Variants in CHD6 observed in about 807,000 individuals in gnomAD.
CHD6 encodes ATP-dependent chromatin remodeler CHD6.
A neutral mutation model predicts 276.9 loss-of-function variants in CHD6; 50 were observed. That is an observed-to-expected ratio of 0.18 (90% CI 0.14 to 0.23). CHD6 has a LOEUF of 0.23. CHD6 is among the 10% of genes least tolerant of loss of function. CHD6 has a pLI of 1.00. For synonymous variants in CHD6, 1,173 were observed against 1,229.3 expected (o/e 0.95, Z 0.96); for missense variants, 2,564 against 3,365.8 (o/e 0.76, Z 5.89).
At position 41,483,451 on chromosome 20, in the gene CHD6, G is replaced by A; in HGVS notation, c.2326C>T (p.Gln776Ter). 1 of 1,613,732 alleles carries A rather than the reference G, an allele frequency of 6.2e-7. No homozygotes were observed. Among genetic ancestry groups the A allele is most frequent in the Non-Finnish European group, 8.5e-7 (1 of 1,179,848 alleles). The change falls in exon 16 of 37, where the codon CAG becomes TAG. Residue 776 changes from glutamine to a stop codon, truncating the protein, a stop_gained. Transcript: ENST00000373233. LOFTEE classifies it high-confidence loss of function. ...TTTCCTGCTGCCTGAATCATGGCCT[G>A]CAGCTGAAAGTCAGGGGCATCAGGG... ...HSPDAPDFQL[Q>*]AMIQAAGKLV...
rs534962456 is a variant in CHD6 at position 41,582,306 on chromosome 20, G to A, written c.-23-30946C>T. ...ACTAAGGAAGAGTTTCGGACACGGT[G>A]AGTAGAAATAAAGGAGTAGGCAATT... On this transcript the variant is annotated intron_variant, in intron 1 of 36. Transcript: ENST00000373233. 4.9e-4 allele frequency among the ~76,000 whole-genome samples: 75 copies of A among 152,288 alleles called. 1 individual carries two copies. Among genetic ancestry groups the A allele is most frequent in the Non-Finnish European group, 9.3e-4 (63 of 68,022 alleles).
chr20:41,552,850 A>G (rs1455384857), intron 1 of CHD6, among the ~76,000 whole-genome samples: 1 of 152,202 alleles, frequency 6.6e-6, no homozygotes, highest in African/African-American at 2.4e-5. Flanking sequence ...TCGGGTGCTA[A>G]GGTGAAGGGG....
intron 6 of CHD6, among the ~76,000 whole-genome samples, chr20:41,498,965 G>A (rs1484150012): frequency 6.6e-6 from 1 of 152,008 alleles, no homozygotes; most frequent in Non-Finnish European, 1.5e-5. Context: ...ATGAGCCAAT[G>A]AACCTGGCCT....
chr20:41,569,483 A>G (rs2045393628), intron 1 of CHD6, among the ~76,000 whole-genome samples: 1 of 152,152 alleles, frequency 6.6e-6, no homozygotes, highest in African/African-American at 2.4e-5. Context: ...ATGGGGCACT[A>G]CTTTAGGGGG....
At chr20:41,540,835 A>G (rs1269438184) in intron 2 of CHD6, among the ~76,000 whole-genome samples, 2 of 152,198 alleles carry the variant, frequency 1.3e-5, no homozygotes, top group Non-Finnish European at 2.9e-5. Flanking sequence ...ATGTTTTTTT[A>G]AAGTTCAAAT....
intron 1 of CHD6, among the ~76,000 whole-genome samples, chr20:41,616,254 A>G (rs1334597793): frequency 6.6e-6 from 1 of 152,198 alleles, no homozygotes; most frequent in African/African-American, 2.4e-5. Flanking sequence ...AAAATTATAA[A>G]GATATAGAAT....
At chr20:41,547,949 TA>T (rs2146134078) in intron 2 of CHD6, 2 of 274,298 alleles carry the variant, frequency 7.3e-6, no homozygotes, top group African/African-American at 4.4e-5. Context: ...AAAATTTCCA[TA>T]AAGGTTCATT....
At chr20:41,595,526 A>G (rs1200611768) in intron 1 of CHD6, among the ~76,000 whole-genome samples, 1 of 152,136 alleles carries the variant, frequency 6.6e-6, no homozygotes, top group African/African-American at 2.4e-5. Flanking sequence ...CTCCAGAGAA[A>G]GGGTGCAAGA....
chr20:41,484,806 C>T (rs1344482197), intron 14 of CHD6, among the ~76,000 whole-genome samples, 199 bp from the exon 15 acceptor site: 3 of 152,060 alleles, frequency 2.0e-5, no homozygotes, highest in Non-Finnish European at 2.9e-5. Flanking sequence ...GATTTTAATT[C>T]ACAAGCAATT....
intron 23 of CHD6, among the ~76,000 whole-genome samples, chr20:41,449,949 C>T (rs1332506952): frequency 1.3e-5 from 2 of 152,206 alleles, no homozygotes; most frequent in African/African-American, 4.8e-5. Flanking sequence ...ATGACAATTT[C>T]ATGCCTAAAA....
chr20:41,489,404 C>T (rs2043495356), intron 12 of CHD6, among the ~76,000 whole-genome samples: 1 of 152,172 alleles, frequency 6.6e-6, no homozygotes. Context: ...TTAACCTCCT[C>T]TCCAAACTCC....
At chr20:41,536,171 G>T (rs988892191) in intron 2 of CHD6, among the ~76,000 whole-genome samples, 1 of 152,150 alleles carries the variant, frequency 6.6e-6, no homozygotes, top group African/African-American at 2.4e-5. Context: ...TTACCACTTT[G>T]AAACTGGCCC....
At chr20:41,547,373 T>C (rs2045062195) in intron 2 of CHD6, 1 of 217,786 alleles carries the variant, frequency 4.6e-6, no homozygotes, top group South Asian at 8.1e-5. Flanking sequence ...AGGTGCAACT[T>C]CTTTCAGTCG....
chr20:41,568,038 G>A (rs529339222), intron 1 of CHD6, among the ~76,000 whole-genome samples: 253 of 152,302 alleles, frequency 1.7e-3, no homozygotes, highest in African/African-American at 5.8e-3. Context: ...AAAAAAGCAA[G>A]GCTGTAGCAG....
intron 5 of CHD6, among the ~76,000 whole-genome samples, chr20:41,503,511 G>A (rs983396145): frequency 6.6e-6 from 1 of 152,076 alleles, no homozygotes; most frequent in Non-Finnish European, 1.5e-5. Flanking sequence ...CTCAAATTCA[G>A]GAGAATGCAT....
intron 27 of CHD6, among the ~76,000 whole-genome samples, chr20:41,428,567 C>A (rs942981627): frequency 1.3e-5 from 2 of 152,204 alleles, no homozygotes; most frequent in South Asian, 2.1e-4. Context: ...TGAGGACACA[C>A]GTGGTTTGGA....
At chr20:41,604,118 C>T (rs1012209969) in intron 1 of CHD6, among the ~76,000 whole-genome samples, 1 of 152,154 alleles carries the variant, frequency 6.6e-6, no homozygotes, top group Non-Finnish European at 1.5e-5. Context: ...TCTCATTCTC[C>T]ATCCCATGCT....
intron 1 of CHD6, among the ~76,000 whole-genome samples, chr20:41,562,433 C>T (rs1270346829): frequency 1.3e-5 from 2 of 151,928 alleles, no homozygotes; most frequent in Non-Finnish European, 2.9e-5. Flanking sequence ...TATATTCAAG[C>T]TCTGGCTGAG....
chr20:41,557,998 GTAAC>G (rs1415947240), intron 1 of CHD6, among the ~76,000 whole-genome samples: 1 of 152,200 alleles, frequency 6.6e-6, no homozygotes, highest in East Asian at 1.9e-4. Context: ...GACACAGAGA[GTAAC>G]TCATCTGGGA....
Sources: gnomAD v4.1 joint callset for allele counts (sites outside exome capture counted in the v4.1 genomes callset) on GRCh38, gnomAD v4.1.1 for gene constraint, MANE v1.5 for transcripts, NCBI Gene and HGNC (gene_info 2026-07-23, HGNC 2026-07-21) for gene names.